PRPSAP1: variants seen among roughly 807,000 people sequenced by gnomAD.
PRPSAP1 encodes phosphoribosyl pyrophosphate synthase-associated protein 1.
A neutral mutation model predicts 39.4 loss-of-function variants in PRPSAP1; 31 were observed. The ratio of observed to expected loss-of-function variants is 0.79; its 90% confidence interval spans 0.59 to 1.06. The LOEUF (loss-of-function observed/expected upper bound fraction) is 1.06, where lower values mean the gene tolerates loss of function less well. PRPSAP1 is among the 50% of genes least tolerant of loss of function. The probability of loss-of-function intolerance (pLI) is 0.00; values close to 1 mark genes in which losing one functional copy is unlikely to be tolerated. For synonymous variants in PRPSAP1, 212 were observed against 192.6 expected (o/e 1.10, Z -0.83); for missense variants, 430 against 511.6 (o/e 0.84, Z 1.54).
chr17:76,324,723 C>T (rs1464375076), intron 7 of PRPSAP1, among the ~76,000 whole-genome samples: 1 of 152,128 alleles, frequency 6.6e-6, no homozygotes, highest in African/African-American at 2.4e-5. Flanking sequence ...AGCACAATCA[C>T]TCTTGCCTGT....
At chr17:76,342,880 C>T (rs947480597) in intron 3 of PRPSAP1, among the ~76,000 whole-genome samples, 2 of 152,114 alleles carry the variant, frequency 1.3e-5, no homozygotes, top group African/African-American at 2.4e-5. Context: ...GAGTTCAAGA[C>T]CAGCCTGGCC....
chr17:76,342,825 G>A (rs1265991545), intron 3 of PRPSAP1, among the ~76,000 whole-genome samples: 1 of 151,028 alleles, frequency 6.6e-6, no homozygotes, highest in Admixed American at 6.6e-5. Flanking sequence ...TATAATCCCA[G>A]CCAGCACTTT....
intron 1 of PRPSAP1, among the ~76,000 whole-genome samples, chr17:76,349,356 C>T (rs1467823415): frequency 1.3e-5 from 2 of 151,018 alleles, no homozygotes; most frequent in Non-Finnish European, 2.9e-5. Context: ...TGGACAAAGA[C>T]TAGATACTAC....
intron 7 of PRPSAP1, among the ~76,000 whole-genome samples, chr17:76,328,291 T>C (rs1413063032): frequency 6.6e-6 from 1 of 151,864 alleles, no homozygotes; most frequent in Non-Finnish European, 1.5e-5. Flanking sequence ...CCATTCATAC[T>C]ACTTAAAACT....
intron 2 of PRPSAP1, chr17:76,346,019 C>T (rs545972929): frequency 6.7e-6 from 3 of 450,656 alleles, no homozygotes; most frequent in East Asian, 1.2e-4. Context: ...AAGGAAAAAG[C>T]TGACACTGGC....
At chr17:76,348,310 T>G (rs560496451) in intron 2 of PRPSAP1, among the ~76,000 whole-genome samples, 12 of 151,836 alleles carry the variant, frequency 7.9e-5, no homozygotes, top group African/African-American at 2.7e-4. Context: ...CCATCTCTAC[T>G]AAAAATACAA....
chr17:76,340,234 C>T (rs2071421472), intron 3 of PRPSAP1, among the ~76,000 whole-genome samples: 1 of 151,662 alleles, frequency 6.6e-6, no homozygotes, highest in Admixed American at 6.6e-5. Flanking sequence ...GATCCTCTCA[C>T]CTTGGTCTCC....
At chr17:76,312,483 T>C (rs1414513481) in intron 9 of PRPSAP1, among the ~76,000 whole-genome samples, 1 of 151,950 alleles carries the variant, frequency 6.6e-6, no homozygotes, top group East Asian at 1.9e-4. Context: ...CTAAACATCA[T>C]TAACTTGGCC....
chr17:76,337,498 A>G (rs1196633029), intron 3 of PRPSAP1: 1 of 152,370 alleles, frequency 6.6e-6, no homozygotes, highest in African/African-American at 2.4e-5. Flanking sequence ...TCATTAAACT[A>G]GCCAGGCTCG....
chr17:76,345,616 A>C (rs1409336212), intron 2 of PRPSAP1: 7 of 156,446 alleles, frequency 4.5e-5, no homozygotes, highest in African/African-American at 1.5e-4. Flanking sequence ...GGAGAAAAAA[A>C]AAAAAAAAAA....
At chr17:76,346,748 T>G (rs1233774499) in intron 2 of PRPSAP1, among the ~76,000 whole-genome samples, 1 of 152,204 alleles carries the variant, frequency 6.6e-6, no homozygotes, top group African/African-American at 2.4e-5. Flanking sequence ...AAAAGGGAGT[T>G]TGGCCGGGCG....
At chr17:76,341,234 G>GTT (rs5822126) in intron 3 of PRPSAP1, among the ~76,000 whole-genome samples, 35 of 119,986 alleles carry the variant, frequency 2.9e-4, no homozygotes, top group East Asian at 1.0e-3. Context: ...ACTTTTTTTT[G>GTT]TTTTTTTTTT....
intron 7 of PRPSAP1, among the ~76,000 whole-genome samples, chr17:76,327,116 G>A (rs346793): frequency 0.3 from 44,884 of 151,632 alleles, 7,558 homozygotes; most frequent in African/African-American, 0.46. Flanking sequence ...GGGAGGTCGA[G>A]GCAGGCGGAT....
chr17:76,315,953 G>A (rs111788899), intron 7 of PRPSAP1, among the ~76,000 whole-genome samples: 2,867 of 151,288 alleles, frequency 0.019, 100 homozygotes, highest in African/African-American at 0.066. Context: ...CAAGGCAGGC[G>A]GATCACCTGA....
At chr17:76,334,484 A>G (rs569886149) in intron 3 of PRPSAP1, among the ~76,000 whole-genome samples, 1 of 152,350 alleles carries the variant, frequency 6.6e-6, no homozygotes, top group South Asian at 2.1e-4. Flanking sequence ...TCTCTAAGGC[A>G]GAGTGCATTT....
intron 3 of PRPSAP1, among the ~76,000 whole-genome samples, chr17:76,333,670 C>CA (rs11380786): frequency 0.3 from 44,402 of 150,166 alleles, 7,442 homozygotes; most frequent in African/African-American, 0.46. Context: ...ACAAAACAAA[C>CA]AAAAAAAAAC....
intron 7 of PRPSAP1, among the ~76,000 whole-genome samples, chr17:76,323,451 A>G (rs1283990258): frequency 6.6e-6 from 1 of 152,080 alleles, no homozygotes; most frequent in Admixed American, 6.6e-5. Flanking sequence ...ACCATTCTAG[A>G]TGCCATGAAG....
intron 7 of PRPSAP1, among the ~76,000 whole-genome samples, chr17:76,316,958 CTAAAG>C (rs145334318): frequency 0.042 from 6,461 of 152,314 alleles, 195 homozygotes; most frequent in South Asian, 0.14. Flanking sequence ...CCTTCCTCTG[CTAAAG>C]TAAACAGCAA....
chr17:76,354,158 C>A (rs1161504357), upstream of PRPSAP1: 1 of 992,194 alleles, frequency 1.0e-6, no homozygotes, highest in Non-Finnish European at 1.2e-6. Context: ...TTGGCCAGGA[C>A]CCAACATGTC....
Sources: allele counts gnomAD v4.1 joint callset (sites outside exome capture counted in the v4.1 genomes callset), GRCh38; gene constraint gnomAD v4.1.1; transcripts MANE v1.5; gene names NCBI Gene and HGNC (gene_info 2026-07-23, HGNC 2026-07-21).